The following ZC3H3 variants were observed in gnomAD, a reference collection of about 807,000 sequenced individuals.
ZC3H3 encodes the protein zinc finger CCCH-type containing 3.
Under a neutral mutation model 77.3 loss-of-function variants are expected in ZC3H3, and 36 were observed. The observed-to-expected ratio is 0.47, with a 90% CI of 0.36 to 0.61. ZC3H3 has a LOEUF of 0.61. Ranked by LOEUF, ZC3H3 falls within the 20% of genes least tolerant of loss-of-function variation. The probability of loss-of-function intolerance (pLI) is 0.00; values close to 1 mark genes in which losing one functional copy is unlikely to be tolerated. For missense variants in ZC3H3, 1,331 were observed against 1,312.2 expected, an observed-to-expected ratio of 1.01 and a Z score of -0.22; for synonymous variants, 626 against 555.2, an observed-to-expected ratio of 1.13 and a Z score of -1.79.
At chr8:143,475,662 G>A in intron 4 of ZC3H3, 77 bp from the exon 5 acceptor site, 1 of 1,450,898 alleles carries the variant, frequency 6.9e-7, no homozygotes, top group Non-Finnish European at 9.1e-7. Context: ...CAGGGGCCGA[G>A]CCCAGGCCTG....
intron 3 of ZC3H3, among the ~76,000 whole-genome samples, chr8:143,509,883 TA>T (rs1018857249): frequency 2.0e-5 from 3 of 152,168 alleles, no homozygotes; most frequent in African/African-American, 7.2e-5. Context: ...TCCCTTCGGC[TA>T]AAATCACTTC....
chr8:143,496,829 T>C (rs1056539777), intron 4 of ZC3H3, among the ~76,000 whole-genome samples: 1 of 152,246 alleles, frequency 6.6e-6, no homozygotes, highest in African/African-American at 2.4e-5. Flanking sequence ...AGTGCTGCCA[T>C]GGCTTTCCCG....
chr8:143,439,565 T>C (rs1194309148), intron 11 of ZC3H3, among the ~76,000 whole-genome samples: 1 of 152,224 alleles, frequency 6.6e-6, no homozygotes, highest in Non-Finnish European at 1.5e-5. Flanking sequence ...GGAACATCTG[T>C]TCTCTCCAGG....
chr8:143,469,299 T>C (rs1443020303), intron 5 of ZC3H3, among the ~76,000 whole-genome samples: 4 of 152,188 alleles, frequency 2.6e-5, no homozygotes, highest in East Asian at 3.9e-4. Context: ...GTCTGGCCTT[T>C]TGGGAGCAAG....
intron 4 of ZC3H3, among the ~76,000 whole-genome samples, chr8:143,480,445 T>A (rs1820877333): frequency 6.6e-6 from 1 of 152,200 alleles, no homozygotes; most frequent in Non-Finnish European, 1.5e-5. Flanking sequence ...CGCCATGTCA[T>A]GTGGGCCGTG....
At chr8:143,536,145 C>T in intron 3 of ZC3H3, 112 bp downstream of exon 3, 1 of 1,330,984 alleles carries the variant, frequency 7.5e-7, no homozygotes, top group Middle Eastern at 2.6e-4. Flanking sequence ...GCCCTCCCAG[C>T]CAGGGCCTCT....
chr8:143,447,631 G>T (rs1194464990), intron 9 of ZC3H3, among the ~76,000 whole-genome samples: 1 of 152,324 alleles, frequency 6.6e-6, no homozygotes, highest in Non-Finnish European at 1.5e-5. Flanking sequence ...TTCACAGGCC[G>T]TAGAGGAAGC....
chr8:143,497,091 T>C (rs1563860980), intron 4 of ZC3H3, among the ~76,000 whole-genome samples: 1 of 152,226 alleles, frequency 6.6e-6, no homozygotes, highest in Non-Finnish European at 1.5e-5. Context: ...TATAAACAAC[T>C]GGTGAGTTTC....
chr8:143,465,619 G>C, intron 9 of ZC3H3, 98 bp downstream of exon 9: 1 of 1,546,678 alleles, frequency 6.5e-7, no homozygotes, highest in South Asian at 1.2e-5. Flanking sequence ...CAGGGCTGCA[G>C]ATGGGTCATC....
intron 3 of ZC3H3, among the ~76,000 whole-genome samples, chr8:143,516,535 A>G (rs1365035963): frequency 8.1e-6 from 1 of 123,310 alleles, no homozygotes; most frequent in African/African-American, 3.3e-5. Context: ...TCACACACAC[A>G]CACACACACA....
At chr8:143,499,944 C>G (rs961522525) in intron 4 of ZC3H3, among the ~76,000 whole-genome samples, 1 of 152,180 alleles carries the variant, frequency 6.6e-6, no homozygotes, top group African/African-American at 2.4e-5. Context: ...TGCTCCTCAC[C>G]GGGGGCTGGC....
chr8:143,500,799 C>T (rs576591842), intron 4 of ZC3H3, among the ~76,000 whole-genome samples: 1 of 149,268 alleles, frequency 6.7e-6, no homozygotes, highest in South Asian at 2.1e-4. Context: ...CCTCCCCACA[C>T]CGTCACGTCA....
intron 5 of ZC3H3, among the ~76,000 whole-genome samples, chr8:143,474,126 G>C (rs1464111579): frequency 6.6e-6 from 1 of 152,178 alleles, no homozygotes; most frequent in Non-Finnish European, 1.5e-5. Context: ...GGGTGTAGCA[G>C]AGATGAGACC....
chr8:143,521,930 A>G (rs1822254671), intron 3 of ZC3H3, among the ~76,000 whole-genome samples: 1 of 152,208 alleles, frequency 6.6e-6, no homozygotes, highest in African/African-American at 2.4e-5. Context: ...ATCAGTGGGC[A>G]CGGCTGCCAT....
chr8:143,478,430 C>T (rs1470391097), intron 4 of ZC3H3, among the ~76,000 whole-genome samples: 5 of 152,226 alleles, frequency 3.3e-5, no homozygotes, highest in Non-Finnish European at 5.9e-5. Context: ...GACCGCCCCA[C>T]CCACCAGGGC....
At chr8:143,525,205 G>A (rs972076635) in intron 3 of ZC3H3, among the ~76,000 whole-genome samples, 3 of 152,202 alleles carry the variant, frequency 2.0e-5, no homozygotes, top group South Asian at 2.1e-4. Flanking sequence ...AGCAGCGCTC[G>A]GCCTGCCCTG....
chr8:143,479,802 G>T (rs907177868), intron 4 of ZC3H3, among the ~76,000 whole-genome samples: 2 of 152,222 alleles, frequency 1.3e-5, no homozygotes, highest in African/African-American at 4.8e-5. Flanking sequence ...CCTCCCTGGG[G>T]GGGGACAAAG....
intron 3 of ZC3H3, among the ~76,000 whole-genome samples, chr8:143,519,867 G>A (rs1471844362): frequency 6.6e-6 from 1 of 152,212 alleles, no homozygotes; most frequent in African/African-American, 2.4e-5. Context: ...GAGGTGCCCT[G>A]CCCTGTGGGA....
chr8:143,540,719 G>A (rs1039131304), intron 1 of ZC3H3, among the ~76,000 whole-genome samples: 12 of 151,974 alleles, frequency 7.9e-5, no homozygotes, highest in East Asian at 3.9e-4. Context: ...ACTTTGGGAG[G>A]CCGAGGCGGG....
Sources: gnomAD v4.1 joint callset for allele counts (sites outside exome capture counted in the v4.1 genomes callset) on GRCh38, gnomAD v4.1.1 for gene constraint, MANE v1.5 for transcripts, NCBI Gene and HGNC (gene_info 2026-07-23, HGNC 2026-07-21) for gene names.